Variants in PFDN1 observed in about 807,000 individuals in gnomAD.
PFDN1 encodes prefoldin subunit 1, also known as prefoldin 1.
PFDN1 carries 6 observed loss-of-function variants against 17.3 expected under a neutral mutation model. That is an observed-to-expected ratio of 0.35 (90% CI 0.19 to 0.69). PFDN1 has a LOEUF of 0.69. Among genes scored for constraint, PFDN1 ranks in the 30% least tolerant of loss-of-function variants. PFDN1 has a pLI of 0.65. For missense variants in PFDN1, 113 were observed against 146.2 expected, an observed-to-expected ratio of 0.77 and a Z score of 1.17; for synonymous variants, 58 against 50.1, an observed-to-expected ratio of 1.16 and a Z score of -0.67.
intron 2 of PFDN1, chr5:140,293,063 G>A (rs1474929317): frequency 6.6e-6 from 1 of 152,062 alleles, no homozygotes; most frequent in East Asian, 1.9e-4. Context: ...TTCTTGGTAT[G>A]GCTTAAAATT....
At chr5:140,274,431 A>G (rs1047255963) in intron 3 of PFDN1, among the ~76,000 whole-genome samples, 64 of 152,208 alleles carry the variant, frequency 4.2e-4, no homozygotes, top group African/African-American at 1.5e-3. Context: ...TTAGAAAGTT[A>G]TTATCAGTAT....
At chr5:140,288,365 A>G (rs903704968) in intron 2 of PFDN1, among the ~76,000 whole-genome samples, 1 of 152,168 alleles carries the variant, frequency 6.6e-6, no homozygotes, top group African/African-American at 2.4e-5. Context: ...ACGCAAAACT[A>G]TATATAGAAA....
At chr5:140,282,393 A>C (rs1458816109) in intron 2 of PFDN1, among the ~76,000 whole-genome samples, 1 of 138,812 alleles carries the variant, frequency 7.2e-6, no homozygotes, top group Non-Finnish European at 1.5e-5. Flanking sequence ...TGTAAAGTGG[A>C]GCGCCCCTCC....
intron 2 of PFDN1, among the ~76,000 whole-genome samples, chr5:140,293,547 C>T (rs1765609793): frequency 6.6e-6 from 1 of 151,898 alleles, no homozygotes; most frequent in African/African-American, 2.4e-5. Flanking sequence ...AATTAATTTC[C>T]TGTGTTTTGG....
intron 3 of PFDN1, among the ~76,000 whole-genome samples, chr5:140,267,712 T>C (rs1034691338): frequency 6.6e-6 from 1 of 151,144 alleles, no homozygotes; most frequent in Non-Finnish European, 1.5e-5. Context: ...TAAACAGGCC[T>C]AGAATAGCTA....
At chr5:140,282,004 G>A (rs1765410165) in intron 2 of PFDN1, 1 of 152,406 alleles carries the variant, frequency 6.6e-6, no homozygotes, top group Admixed American at 6.6e-5. Flanking sequence ...GCAACATGAT[G>A]AGACCCATCT....
chr5:140,273,792 A>G, intron 3 of PFDN1: 2 of 381,816 alleles, frequency 5.2e-6, no homozygotes, highest in Non-Finnish European at 7.2e-6. Flanking sequence ...GTTATTGCTG[A>G]GCTAACCAGG....
chr5:140,251,409 T>C (rs1425068689), intron 3 of PFDN1, among the ~76,000 whole-genome samples: 1 of 152,194 alleles, frequency 6.6e-6, no homozygotes, highest in Non-Finnish European at 1.5e-5. Context: ...GCCTTAATGC[T>C]TTATCAGGTC....
At chr5:140,264,684 A>C (rs375405343) in intron 3 of PFDN1, among the ~76,000 whole-genome samples, 11 of 151,854 alleles carry the variant, frequency 7.2e-5, no homozygotes, top group South Asian at 4.2e-4. Context: ...AAAAAAAAAA[A>C]CACAGAATTA....
intron 1 of PFDN1, 94 bp downstream of exon 1, chr5:140,302,947 C>T (rs1561523624): frequency 2.2e-6 from 2 of 924,000 alleles, no homozygotes; most frequent in Non-Finnish European, 1.8e-6. Context: ...ACCCTCCTTC[C>T]TTCTGCAAGG....
intron 2 of PFDN1, among the ~76,000 whole-genome samples, chr5:140,290,571 T>C (rs1045258832): frequency 1.3e-5 from 2 of 152,266 alleles, no homozygotes; most frequent in Admixed American, 6.5e-5. Context: ...ACTCCATTTA[T>C]ATATTGCATC....
intron 3 of PFDN1, among the ~76,000 whole-genome samples, chr5:140,262,937 G>A (rs1174273750): frequency 6.6e-6 from 1 of 152,014 alleles, no homozygotes; most frequent in Non-Finnish European, 1.5e-5. Context: ...AGTACTTGCT[G>A]GCAATATGCT....
chr5:140,294,369 G>A (rs975531596), intron 2 of PFDN1, among the ~76,000 whole-genome samples: 9 of 151,880 alleles, frequency 5.9e-5, no homozygotes, highest in African/African-American at 2.2e-4. Flanking sequence ...AATATAGTAT[G>A]ACCATTTCTT....
rs145535027 is a variant in PFDN1, at chr5:140,261,814, T to C, written c.286-15757A>G. Among the ~76,000 whole-genome samples, 65 of 152,146 alleles carry C rather than the reference T, an allele frequency of 4.3e-4. No individual in the cohort carries two copies. The East Asian group carries it at 0.011, about 27-fold the overall frequency. On this transcript the variant is annotated intron_variant, in intron 3 of 3. Coordinates refer to ENST00000261813, the MANE Select transcript of PFDN1 (RefSeq NM_002622.5). ...AGGTAAGACAAGCAACCCAGGATCT[T>C]TGCTCATAGCTCTCGGTGTTCTGAG... is the stretch of plus-strand genomic sequence containing the variant.
intron 2 of PFDN1, among the ~76,000 whole-genome samples, chr5:140,295,527 C>A (rs1372545178): frequency 6.6e-6 from 1 of 152,126 alleles, no homozygotes; most frequent in South Asian, 2.1e-4. Flanking sequence ...GAGGTCAGCT[C>A]ACAAACAGCT....
At chr5:140,269,471 A>G (rs1253254447) in intron 3 of PFDN1, among the ~76,000 whole-genome samples, 1 of 151,986 alleles carries the variant, frequency 6.6e-6, no homozygotes, top group Non-Finnish European at 1.5e-5. Flanking sequence ...GGCATGCGCC[A>G]CCACGCCCGG....
intron 2 of PFDN1, among the ~76,000 whole-genome samples, chr5:140,295,626 C>T (rs1765641138): frequency 6.6e-6 from 1 of 152,132 alleles, no homozygotes; most frequent in Non-Finnish European, 1.5e-5. Flanking sequence ...CTAAAATGTG[C>T]TGGCAACACG....
intron 3 of PFDN1, among the ~76,000 whole-genome samples, chr5:140,253,934 T>G (rs1439507530): frequency 6.6e-6 from 1 of 152,220 alleles, no homozygotes; most frequent in Non-Finnish European, 1.5e-5. Context: ...ACCCTGGGGA[T>G]GGACTACAGC....
intron 3 of PFDN1, among the ~76,000 whole-genome samples, chr5:140,280,680 G>T (rs1169148116): frequency 1.3e-5 from 2 of 152,140 alleles, no homozygotes; most frequent in African/African-American, 4.8e-5. Flanking sequence ...ACAGAAATTA[G>T]ATGAAATGAC....
Sources: allele counts gnomAD v4.1 joint callset (sites outside exome capture counted in the v4.1 genomes callset), GRCh38; gene constraint gnomAD v4.1.1; transcripts MANE v1.5; gene names NCBI Gene and HGNC (gene_info 2026-07-23, HGNC 2026-07-21).